The following RPIA variants were observed in gnomAD, a reference collection of about 807,000 sequenced individuals.
RPIA encodes ribose 5-phosphate isomerase A.
A neutral mutation model predicts 37.8 loss-of-function variants in RPIA; 29 were observed. The ratio of observed to expected loss-of-function variants is 0.77; its 90% CI spans 0.57 to 1.05. RPIA has a LOEUF of 1.05. Ranked by LOEUF, RPIA falls within the 50% of genes least tolerant of loss-of-function variation. The pLI is 0.00. For missense variants in RPIA, 385 were observed against 413.6 expected, an observed-to-expected ratio of 0.93 and a Z score of 0.60; for synonymous variants, 167 against 157.0, an observed-to-expected ratio of 1.06 and a Z score of -0.48.
intron 7 of RPIA, among the ~76,000 whole-genome samples, chr2:88,737,743 A>C (rs1367035248): frequency 6.6e-6 from 1 of 151,768 alleles, no homozygotes; most frequent in Non-Finnish European, 1.5e-5. Flanking sequence ...AGCTTGATAC[A>C]TTTGTTAAGA....
chr2:88,696,339 T>C (rs1672744254), intron 1 of RPIA, among the ~76,000 whole-genome samples: 1 of 151,762 alleles, frequency 6.6e-6, no homozygotes, highest in South Asian at 2.1e-4. Context: ...AGGCCAGGAG[T>C]TCGAGACTAG....
intron 3 of RPIA, among the ~76,000 whole-genome samples, chr2:88,713,446 T>C (rs1453969389): frequency 6.6e-6 from 1 of 152,160 alleles, no homozygotes; most frequent in Non-Finnish European, 1.5e-5. Flanking sequence ...TTTAATTTGC[T>C]GTTGAGGAGG....
chr2:88,734,864 T>C (rs1355040559), intron 5 of RPIA, among the ~76,000 whole-genome samples: 1 of 152,196 alleles, frequency 6.6e-6, no homozygotes, highest in Non-Finnish European at 1.5e-5. Flanking sequence ...GGATTTGTGT[T>C]CTTTTGTTGA....
At chr2:88,719,286 A>G (rs553287085) in intron 3 of RPIA, among the ~76,000 whole-genome samples, 4 of 152,310 alleles carry the variant, frequency 2.6e-5, no homozygotes, top group African/African-American at 9.6e-5. Context: ...ATTACTGATA[A>G]CATACATTAA....
intron 3 of RPIA, among the ~76,000 whole-genome samples, chr2:88,717,589 T>A (rs1413275566): frequency 2.0e-5 from 3 of 152,158 alleles, no homozygotes; most frequent in Non-Finnish European, 4.4e-5. Flanking sequence ...TGACTTTGAA[T>A]AGAATGAGAG....
At chr2:88,748,018 A>G (rs1009162294) in intron 8 of RPIA, among the ~76,000 whole-genome samples, 6 of 152,126 alleles carry the variant, frequency 3.9e-5, no homozygotes, top group African/African-American at 1.4e-4. Flanking sequence ...TTTTCATTGT[A>G]TTTATCCTTT....
rs1389611656 is a variant in RPIA at position 88,727,100 on chromosome 2, CGCGCATGTGTGCGCGTGCATGTGT to C, written c.403-2170_403-2147del. Among the ~76,000 whole-genome samples the C allele has an allele frequency of 1.1e-4, 17 of 149,760 alleles. No individual in the cohort carries two copies. The East Asian group carries it at 2.1e-3, about 19-fold the overall frequency. The stretch of plus-strand genomic sequence containing the variant: ...GTGTGCGTGCGTGTGTGTGTGTGCG[CGCGCATGTGTGCGCGTGCATGTGT>C]GCGCATGCGAGAGAGAGGAGCATGC... On this transcript the variant is annotated intron_variant, in intron 3 of 8. Coordinates refer to ENST00000283646, the MANE Select transcript of RPIA (RefSeq NM_144563.3).
intron 3 of RPIA, among the ~76,000 whole-genome samples, chr2:88,700,488 C>CA (rs1264796414): frequency 2.6e-5 from 4 of 152,074 alleles, no homozygotes; most frequent in African/African-American, 9.6e-5. Context: ...CCTGCCTCTA[C>CA]AAAAAATACA....
intron 4 of RPIA, among the ~76,000 whole-genome samples, chr2:88,734,088 G>GA (rs1553421972): frequency 0.02 from 2,825 of 142,872 alleles, 70 homozygotes; most frequent in African/African-American, 0.069. Context: ...TTCTGAATCA[G>GA]TTTTTTTTTT....
At chr2:88,733,277 G>C (rs1016100768) in intron 4 of RPIA, among the ~76,000 whole-genome samples, 2 of 152,216 alleles carry the variant, frequency 1.3e-5, no homozygotes, top group African/African-American at 2.4e-5. Context: ...ATAGTGGGGA[G>C]AGGGAAAGCA....
At chr2:88,724,757 G>A (rs549828277) in intron 3 of RPIA, among the ~76,000 whole-genome samples, 1 of 152,280 alleles carries the variant, frequency 6.6e-6, no homozygotes, top group Admixed American at 6.5e-5. Context: ...AACTTTAAAG[G>A]TAGAAGGTAA....
intron 1 of RPIA, among the ~76,000 whole-genome samples, chr2:88,696,341 C>T (rs879903114): frequency 4.1e-4 from 62 of 151,798 alleles, no homozygotes; most frequent in African/African-American, 1.2e-3. Context: ...GCCAGGAGTT[C>T]GAGACTAGCC....
intron 3 of RPIA, among the ~76,000 whole-genome samples, chr2:88,728,467 C>T (rs147817282): frequency 7.2e-5 from 11 of 152,240 alleles, no homozygotes; most frequent in East Asian, 1.9e-4. Context: ...TAGCAGAAAA[C>T]GTTGTGAAGG....
intron 8 of RPIA, among the ~76,000 whole-genome samples, chr2:88,744,491 A>G (rs533476700): frequency 7.9e-5 from 12 of 152,322 alleles, no homozygotes; most frequent in Admixed American, 3.9e-4. Context: ...GGAAAGTTCT[A>G]TAGATATCTG....
At chr2:88,719,878 G>T (rs947669665) in intron 3 of RPIA, among the ~76,000 whole-genome samples, 6 of 152,152 alleles carry the variant, frequency 3.9e-5, no homozygotes, top group African/African-American at 1.4e-4. Flanking sequence ...GTGCCCATAT[G>T]CTGGTCTTGC....
intron 3 of RPIA, among the ~76,000 whole-genome samples, chr2:88,716,820 A>G (rs1673041933): frequency 6.6e-6 from 1 of 152,216 alleles, no homozygotes; most frequent in East Asian, 1.9e-4. Flanking sequence ...GATTCACTGA[A>G]AATTACTGAC....
At chr2:88,699,159 C>T (rs1672796556) in intron 2 of RPIA, among the ~76,000 whole-genome samples, 1 of 152,196 alleles carries the variant, frequency 6.6e-6, no homozygotes, top group Non-Finnish European at 1.5e-5. Context: ...GAGGTAAAGT[C>T]CAGGAACACT....
intron 1 of RPIA, among the ~76,000 whole-genome samples, chr2:88,692,925 G>C (rs1676961364): frequency 6.6e-6 from 1 of 152,200 alleles, no homozygotes; most frequent in Non-Finnish European, 1.5e-5. Context: ...GTGGTAACCT[G>C]TGGCTCAGCC....
rs1327410084 is a variant in RPIA, at chr2:88,724,439, TG to T, written c.403-4836del. ...CTAATGCCTCAGCCTCCCTAGTAGA[TG>T]GGATTACAAGCATATGGCAACACAC... On this transcript the variant is annotated intron_variant, in intron 3 of 8. Coordinates refer to ENST00000283646, the MANE Select transcript of RPIA (RefSeq NM_144563.3). 2.0e-5 allele frequency among the ~76,000 whole-genome samples: 3 copies of T among 152,074 alleles called. No individual in the cohort carries two copies. In the East Asian group the frequency reaches 5.8e-4, roughly 30 times the overall value.
Sources: allele counts gnomAD v4.1 joint callset (sites outside exome capture counted in the v4.1 genomes callset), GRCh38; gene constraint gnomAD v4.1.1; transcripts MANE v1.5; gene names NCBI Gene and HGNC (gene_info 2026-07-23, HGNC 2026-07-21).